Variants in GALNT13 observed in about 807,000 individuals in gnomAD.
GALNT13 encodes polypeptide N-acetylgalactosaminyltransferase 13, also known as UDP-GalNAc:polypeptide N-acetylgalactosaminyltransferase 13.
Under a neutral mutation model 64.2 loss-of-function variants are expected in GALNT13, and 28 were observed. The ratio of observed to expected loss-of-function variants is 0.44; its 90% CI spans 0.32 to 0.60. The LOEUF (loss-of-function observed/expected upper bound fraction) is 0.60. Among genes scored for constraint, GALNT13 ranks in the 20% least tolerant of loss-of-function variants. GALNT13 has a pLI of 0.05. For synonymous variants in GALNT13, 214 were observed against 224.6 expected (o/e 0.95, Z 0.42); for missense variants, 577 against 669.8 (o/e 0.86, Z 1.53).
chr2:153,106,487 C>T, the GALNT13 span, among the ~76,000 whole-genome samples: 2 of 152,160 alleles, frequency 1.3e-5, no homozygotes, highest in East Asian at 1.9e-4. Context: ...CATAACACAG[C>T]AAGCCCATCC....
chr2:154,325,872 A>T (rs542202220), intron 9 of GALNT13, among the ~76,000 whole-genome samples: 3 of 152,176 alleles, frequency 2.0e-5, no homozygotes, highest in Admixed American at 6.5e-5. Flanking sequence ...CTCATTCACT[A>T]ATTCTGGGTT....
At chr2:153,643,782 A>G in the GALNT13 span, among the ~76,000 whole-genome samples, 5 of 152,112 alleles carry the variant, frequency 3.3e-5, no homozygotes, top group East Asian at 9.7e-4. Flanking sequence ...TAAAAATGGA[A>G]TGGTGGTTTG....
the GALNT13 span, among the ~76,000 whole-genome samples, chr2:153,638,056 G>C: frequency 1.3e-5 from 2 of 150,764 alleles, no homozygotes; most frequent in African/African-American, 5.0e-5. Context: ...GAAGCTGAAG[G>C]AGTAAACCTT....
chr2:153,210,069 G>T, the GALNT13 span, among the ~76,000 whole-genome samples: 5 of 152,054 alleles, frequency 3.3e-5, no homozygotes, highest in Non-Finnish European at 5.9e-5. Flanking sequence ...CTCACTGGTA[G>T]CTTGTTTGTT....
chr2:153,863,159 T>A, the GALNT13 span, among the ~76,000 whole-genome samples: 1 of 152,190 alleles, frequency 6.6e-6, no homozygotes, highest in Non-Finnish European at 1.5e-5. Flanking sequence ...AAAATTTTCT[T>A]GTCTGGTACA....
chr2:153,403,200 G>T, the GALNT13 span, among the ~76,000 whole-genome samples: 1 of 150,152 alleles, frequency 6.7e-6, no homozygotes, highest in East Asian at 2.0e-4. Context: ...TGAGGTGTCG[G>T]TATGCCCCTG....
the GALNT13 span, among the ~76,000 whole-genome samples, chr2:153,137,293 A>T: frequency 6.6e-6 from 1 of 152,044 alleles, no homozygotes; most frequent in Admixed American, 6.6e-5. Flanking sequence ...TATTTCTTAT[A>T]TGCCCAGCTA....
chr2:153,330,888 A>G, the GALNT13 span, among the ~76,000 whole-genome samples: 3 of 152,274 alleles, frequency 2.0e-5, no homozygotes, highest in East Asian at 3.9e-4. Context: ...ACTTTTGCCT[A>G]TTAAGTATGA....
At chr2:153,652,656 T>C in the GALNT13 span, among the ~76,000 whole-genome samples, 1 of 152,074 alleles carries the variant, frequency 6.6e-6, no homozygotes, top group Non-Finnish European at 1.5e-5. Context: ...TCAATAACCA[T>C]GACTGACACG....
the GALNT13 span, among the ~76,000 whole-genome samples, chr2:153,646,214 C>G: frequency 6.6e-6 from 1 of 151,906 alleles, no homozygotes; most frequent in African/African-American, 2.4e-5. Context: ...TGATCACAAA[C>G]AATATTTTCC....
chr2:153,366,666 C>T, the GALNT13 span, among the ~76,000 whole-genome samples: 1 of 145,904 alleles, frequency 6.9e-6, no homozygotes, highest in Admixed American at 7.1e-5. Flanking sequence ...AAGTACCAAA[C>T]TACAGATCCA....
At chr2:153,987,767 A>G (rs1232009040) in intron 3 of GALNT13, among the ~76,000 whole-genome samples, 1 of 151,804 alleles carries the variant, frequency 6.6e-6, no homozygotes, top group Non-Finnish European at 1.5e-5. Context: ...ACTCACCCTG[A>G]GTTGGGAGAT....
intron 11 of GALNT13, 31 bp from the exon 12 acceptor site, chr2:154,438,560 AT>A (rs11352693): frequency 0.082 from 126,846 of 1,548,362 alleles, 6,157 homozygotes; most frequent in South Asian, 0.18. Context: ...TAAAACATAC[AT>A]TTTTTTTATT....
the GALNT13 span, among the ~76,000 whole-genome samples, chr2:153,562,930 G>C: frequency 6.6e-6 from 1 of 151,974 alleles, no homozygotes; most frequent in African/African-American, 2.4e-5. Flanking sequence ...TCTCAGTTGC[G>C]TGATGTACCT....
the GALNT13 span, among the ~76,000 whole-genome samples, chr2:153,179,501 T>G: frequency 6.6e-6 from 1 of 152,216 alleles, no homozygotes; most frequent in Non-Finnish European, 1.5e-5. Context: ...TCCAGCTTTC[T>G]TCTTTTTGCT....
chr2:153,210,976 G>A, the GALNT13 span, among the ~76,000 whole-genome samples: 1 of 152,016 alleles, frequency 6.6e-6, no homozygotes, highest in African/African-American at 2.4e-5. Flanking sequence ...ATGCTGTACA[G>A]AAAATAGTTT....
At chr2:153,434,446 A>T in the GALNT13 span, among the ~76,000 whole-genome samples, 33 of 152,212 alleles carry the variant, frequency 2.2e-4, no homozygotes, top group African/African-American at 8.0e-4. Context: ...AGTCCCACCA[A>T]CCATGTGAAA....
the GALNT13 span, among the ~76,000 whole-genome samples, chr2:153,316,590 G>A: frequency 1.6e-4 from 22 of 137,668 alleles, no homozygotes; most frequent in East Asian, 4.4e-3. Context: ...GCAGTGAGCC[G>A]AGATTGCGCC....
intron 3 of GALNT13, among the ~76,000 whole-genome samples, chr2:153,966,465 A>T (rs867992327): frequency 2.0e-5 from 3 of 151,160 alleles, no homozygotes; most frequent in Non-Finnish European, 4.4e-5. Context: ...TGCCGGGTTC[A>T]CGCCATTCTC....
Sources: allele counts gnomAD v4.1 joint callset (sites outside exome capture counted in the v4.1 genomes callset), GRCh38; gene constraint gnomAD v4.1.1; transcripts MANE v1.5; gene names NCBI Gene and HGNC (gene_info 2026-07-23, HGNC 2026-07-21).